RASL12: variants seen among roughly 807,000 people sequenced by gnomAD.
The protein encoded by RASL12 is ras-like protein family member 12.
Under a neutral mutation model 22.9 loss-of-function variants are expected in RASL12, and 16 were observed. The observed-to-expected ratio is 0.70, with a 90% CI of 0.47 to 1.06. The LOEUF (loss-of-function observed/expected upper bound fraction) is 1.06. Ranked by LOEUF, RASL12 falls within the 50% of genes least tolerant of loss-of-function variation. The pLI is 0.00. For missense variants in RASL12, 306 were observed against 353.1 expected, an observed-to-expected ratio of 0.87 and a Z score of 1.07; for synonymous variants, 159 against 152.2, an observed-to-expected ratio of 1.04 and a Z score of -0.33.
At position 65,054,027 on chromosome 15, in the gene RASL12, G is replaced by T; in HGVS notation, c.*872C>A. The stretch of plus-strand genomic sequence containing the variant: ...AAACGGGTATACTGTGTTTCTACCT[G>T]CAGGGGGGCAGGCCCTGTAGCCCCT... On this transcript the variant is annotated 3_prime_UTR_variant, in exon 5 of 5. Transcript: ENST00000220062. 1.0e-6 allele frequency: 1 copy of T among 985,882 alleles called. No homozygotes were observed. The highest frequency in any genetic ancestry group is 1.2e-6 in the Non-Finnish European group (1 of 829,972). 61.1% of individuals were successfully genotyped at this position (985,882 alleles called of 1,614,324 possible).
upstream of RASL12, among the ~76,000 whole-genome samples, chr15:65,068,594 C>G (rs533360732): frequency 2.0e-5 from 3 of 152,346 alleles, no homozygotes; most frequent in South Asian, 4.1e-4. The surrounding 1 kb of genome is among the most constrained non-coding windows in gnomAD (Gnocchi z 4.2). Context: ...ATTACTGTCT[C>G]TCCCTAATGG....
chr15:65,056,439 G>A (rs12910039), intron 4 of RASL12, among the ~76,000 whole-genome samples: 23 of 152,084 alleles, frequency 1.5e-4, no homozygotes, highest in Non-Finnish European at 2.1e-4. Context: ...GCTGGGTGCC[G>A]TGGTGCCAGT....
chr15:65,059,395 T>C lies in RASL12; in HGVS notation c.184A>G (p.Thr62Ala). ...AGGTGGACAGGCTGGTGGTCCACAGTCTCCTCGGAGCTGTAGGTGTCCTCT... is the reference window on the plus strand; with the variant it reads ...AGGTGGACAGGCTGGTGGTCCACAGCCTCCTCGGAGCTGTAGGTGTCCTCT... ...NLEDTYSSEE[T>A]VDHQPVHLRV... The change falls in exon 3 of 5, where the codon ACT becomes GCT. Residue 62 changes from threonine (T) to alanine (A), a missense_variant. Coordinates refer to ENST00000220062, the MANE Select transcript of RASL12 (RefSeq NM_016563.4). The C allele has an allele frequency of 6.2e-7, 1 of 1,613,890 alleles. No individual in the cohort carries two copies. The highest frequency in any genetic ancestry group is 8.5e-7 in the Non-Finnish European group (1 of 1,179,942).
At chr15:65,051,602 G>A (rs2086653929), downstream of RASL12, 3 of 1,613,284 alleles carry the variant, frequency 1.9e-6, no homozygotes, top group South Asian at 2.2e-5. Context: ...ATCCAGGCAA[G>A]CAGGTGAGGA....
upstream of RASL12, among the ~76,000 whole-genome samples, chr15:65,071,524 T>TGACCCCCCACCTTGGATGACC (rs2086932232): frequency 6.6e-6 from 1 of 152,128 alleles, no homozygotes; most frequent in Non-Finnish European, 1.5e-5. Context: ...CAGGAAAACA[T>TGACCCCCCACCTTGGATGACC]GACCCCCCAC....
At chr15:65,075,050 T>G (rs1046396703) in intron 1 of RASL12, among the ~76,000 whole-genome samples, 1 of 152,168 alleles carries the variant, frequency 6.6e-6, no homozygotes, top group Middle Eastern at 3.2e-3. Flanking sequence ...GAACCGGGGC[T>G]GCGTGTGGCG....
upstream of RASL12, chr15:65,068,193 C>G: frequency 1.0e-6 from 1 of 997,130 alleles, no homozygotes; most frequent in African/African-American, 1.7e-5. The surrounding 1 kb of genome is among the most constrained non-coding windows in gnomAD (Gnocchi z 4.2). Context: ...CGAGCGCCCC[C>G]AAACCCGGCC....
chr15:65,058,103 T>C (rs1268301916), intron 4 of RASL12, among the ~76,000 whole-genome samples: 1 of 152,144 alleles, frequency 6.6e-6, no homozygotes, highest in African/African-American at 2.4e-5. Flanking sequence ...ACCCCATCTC[T>C]ACTAAAAACA....
chr15:65,053,067 T>C (rs749002494), downstream of RASL12: 5 of 1,614,072 alleles, frequency 3.1e-6, no homozygotes, highest in East Asian at 1.1e-4. Flanking sequence ...GAAACTTTGC[T>C]CTCAGAAAAG....
intron 4 of RASL12, among the ~76,000 whole-genome samples, chr15:65,057,210 T>C (rs905532677): frequency 6.6e-6 from 1 of 152,182 alleles, no homozygotes; most frequent in African/African-American, 2.4e-5. Flanking sequence ...AAAGGGTCCC[T>C]TCCTTGCTAA....
downstream of RASL12, chr15:65,051,508 T>TC (rs1314226965): frequency 6.2e-7 from 1 of 1,613,086 alleles, no homozygotes; most frequent in East Asian, 2.2e-5. Context: ...TGTGTGTCCT[T>TC]CCCCAGCATC....
At chr15:65,068,461 G>T (rs968046817), upstream of RASL12, among the ~76,000 whole-genome samples, 1 of 152,146 alleles carries the variant, frequency 6.6e-6, no homozygotes, top group Non-Finnish European at 1.5e-5. The surrounding 1 kb of genome is among the most constrained non-coding windows in gnomAD (Gnocchi z 4.2). Flanking sequence ...AGACTCTAGA[G>T]GCCTCACTGC....
intron 1 of RASL12, chr15:65,076,468 A>C (rs1390860115): frequency 1.1e-5 from 7 of 636,724 alleles, no homozygotes; most frequent in Non-Finnish European, 1.7e-5. Flanking sequence ...AACTCCAAAC[A>C]CATCTGAACA....
intron 1 of RASL12, among the ~76,000 whole-genome samples, chr15:65,075,297 G>A (rs1305608514): frequency 6.6e-6 from 1 of 152,208 alleles, no homozygotes; most frequent in Non-Finnish European, 1.5e-5. Context: ...CGCCATGCCT[G>A]AGCCTCCCAT....
downstream of RASL12, chr15:65,051,719 G>A: frequency 3.3e-6 from 3 of 912,946 alleles, no homozygotes; most frequent in Non-Finnish European, 5.1e-6. Context: ...CACCCTTTGG[G>A]ACAGCAAAAT....
chr15:65,059,261 T>C (rs1244404642), intron 3 of RASL12, 84 bp downstream of exon 3: 6 of 1,189,522 alleles, frequency 5.0e-6, no homozygotes, highest in Admixed American at 1.7e-5. Flanking sequence ...TAAATGCCTA[T>C]CTGAGGTCCC....
chr15:65,065,484 C>T lies in RASL12; in HGVS notation c.104-211G>A, dbSNP rs112023528. Among the ~76,000 whole-genome samples, 1,194 of 151,960 alleles carry T rather than the reference C, an allele frequency of 7.9e-3. 4 individuals carry two copies. Among genetic ancestry groups the T allele is most frequent in the Non-Finnish European group, 0.013 (850 of 67,984 alleles). ...GGGAGCCAAGTGCCTCTAATTGCACCGTGGGAATTTTTTTTAATGGCAAGG... is the reference window on the plus strand; with the variant it reads ...GGGAGCCAAGTGCCTCTAATTGCACTGTGGGAATTTTTTTTAATGGCAAGG... On this transcript the variant is annotated intron_variant, in intron 1 of 4. Transcript: ENST00000220062.
At chr15:65,060,950 A>G (rs2086796073) in intron 2 of RASL12, among the ~76,000 whole-genome samples, 3 of 152,216 alleles carry the variant, frequency 2.0e-5, no homozygotes, top group Admixed American at 2.0e-4. Flanking sequence ...TCTAATGGAA[A>G]CTATGTTCCA....
chr15:65,074,371 T>C (rs2086950678), intron 1 of RASL12, among the ~76,000 whole-genome samples: 1 of 151,578 alleles, frequency 6.6e-6, no homozygotes, highest in East Asian at 2.0e-4. Context: ...ATAGGTGTTA[T>C]TATTGGCCCC....
Sources: gnomAD v4.1 joint callset for allele counts (sites outside exome capture counted in the v4.1 genomes callset) on GRCh38, gnomAD v4.1.1 for gene constraint, Gnocchi (gnomAD v3.1) non-coding constraint, MANE v1.5 for transcripts, NCBI Gene and HGNC (gene_info 2026-07-23, HGNC 2026-07-21) for gene names.